Variants in LIPI observed in about 807,000 individuals in gnomAD.
LIPI encodes the protein lipase I, also known as lipase member I.
A neutral mutation model predicts 50.6 loss-of-function variants in LIPI; 59 were observed. The ratio of observed to expected loss-of-function variants is 1.16; its 90% CI spans 0.94 to 1.45. The LOEUF (loss-of-function observed/expected upper bound fraction) is 1.45. Among genes scored for constraint, LIPI ranks in the 40% most tolerant of loss-of-function variants. The pLI is 0.00. For synonymous variants in LIPI, 203 were observed against 178.2 expected (o/e 1.14, Z -1.11); for missense variants, 586 against 536.3 (o/e 1.09, Z -0.92).
intron 4 of LIPI, among the ~76,000 whole-genome samples, chr21:14,166,761 T>G (rs2018701337): frequency 6.6e-6 from 1 of 152,194 alleles, no homozygotes; most frequent in African/African-American, 2.4e-5. Context: ...AGCTCCAGTC[T>G]TCAGCTCCCA....
intron 1 of LIPI, among the ~76,000 whole-genome samples, chr21:14,196,300 A>G (rs2019850332): frequency 6.6e-6 from 1 of 152,180 alleles, no homozygotes; most frequent in Non-Finnish European, 1.5e-5. Context: ...TGCTGAGCAA[A>G]AGACTCCAGA....
chr21:14,185,109 G>A (rs568004012), intron 3 of LIPI, among the ~76,000 whole-genome samples: 1 of 152,158 alleles, frequency 6.6e-6, no homozygotes, highest in East Asian at 1.9e-4. Flanking sequence ...TATTCCTAAA[G>A]TCACTACCAC....
At chr21:14,204,316 GGA>G (rs1414627491) in intron 1 of LIPI, among the ~76,000 whole-genome samples, 1 of 150,040 alleles carries the variant, frequency 6.7e-6, no homozygotes, top group Non-Finnish European at 1.5e-5. Context: ...GGGTTTGGGA[GGA>G]GAGAGAGAAA....
intron 9 of LIPI, among the ~76,000 whole-genome samples, chr21:14,115,107 C>T (rs761222481): frequency 6.6e-5 from 10 of 152,034 alleles, no homozygotes; most frequent in East Asian, 3.9e-4. Context: ...CTCCGCACCC[C>T]GCTCCCCACC....
At chr21:14,150,888 G>A (rs2123088808) in intron 8 of LIPI, among the ~76,000 whole-genome samples, 1 of 152,176 alleles carries the variant, frequency 6.6e-6, no homozygotes, top group East Asian at 1.9e-4. Flanking sequence ...AAAAGGGAAA[G>A]GAAAACGGAT....
chr21:14,192,170 T>G (rs1248584936), intron 1 of LIPI, among the ~76,000 whole-genome samples: 1 of 152,150 alleles, frequency 6.6e-6, no homozygotes, highest in Admixed American at 6.5e-5. Context: ...AAAACAAAAG[T>G]CATCAAATGA....
At chr21:14,170,089 G>A (rs924109485) in intron 4 of LIPI, among the ~76,000 whole-genome samples, 12 of 151,962 alleles carry the variant, frequency 7.9e-5, no homozygotes, top group African/African-American at 2.2e-4. Flanking sequence ...CAAACACCTC[G>A]ACGCAAATAA....
At position 14,174,741 on chromosome 21, in the gene LIPI, G is replaced by A. The variant is rs141737549; in HGVS notation, c.643+7017C>T. Among the ~76,000 whole-genome samples, 330 of 152,158 alleles carry A rather than the reference G, an allele frequency of 2.2e-3. 1 individual carries two copies. Among genetic ancestry groups the A allele is most frequent in the African/African-American group, 7.3e-3 (304 of 41,518 alleles). On this transcript the variant is annotated intron_variant, in intron 4 of 9. Coordinates refer to ENST00000681601, the MANE Select transcript of LIPI (RefSeq NM_001302998.2). ...GCTAATTTTTGGTATTTTTAGCAGA[G>A]ATGGGCTTTCACCATGCCAGCCAGG...
intron 7 of LIPI, among the ~76,000 whole-genome samples, chr21:14,156,701 C>T (rs1320186980): frequency 2.0e-5 from 3 of 151,778 alleles, no homozygotes; most frequent in Non-Finnish European, 4.4e-5. Flanking sequence ...GGAAAAGTGG[C>T]TTCTAAATTA....
chr21:14,190,293 A>C (rs2019627468), intron 1 of LIPI, among the ~76,000 whole-genome samples: 1 of 152,118 alleles, frequency 6.6e-6, no homozygotes, highest in Non-Finnish European at 1.5e-5. Flanking sequence ...TCTTTTTCAC[A>C]GATTTTTGTG....
At chr21:14,204,162 T>C (rs2020158554) in intron 1 of LIPI, among the ~76,000 whole-genome samples, 1 of 152,006 alleles carries the variant, frequency 6.6e-6, no homozygotes, top group Non-Finnish European at 1.5e-5. Flanking sequence ...CTGGTATAAA[T>C]AAATGTAGTG....
intron 1 of LIPI, among the ~76,000 whole-genome samples, chr21:14,199,825 T>C (rs2019990464): frequency 6.6e-6 from 1 of 151,898 alleles, no homozygotes; most frequent in Admixed American, 6.6e-5. Flanking sequence ...GCCAATATCA[T>C]TGATGAATAT....
chr21:14,176,689 T>C (rs1376041312), intron 4 of LIPI, among the ~76,000 whole-genome samples: 1 of 151,216 alleles, frequency 6.6e-6, no homozygotes, highest in Non-Finnish European at 1.5e-5. Context: ...TGTTTTTTTT[T>C]CAGATACAAA....
intron 1 of LIPI, chr21:14,206,996 C>T: frequency 1.9e-6 from 2 of 1,030,942 alleles, no homozygotes; most frequent in Non-Finnish European, 1.5e-6. Flanking sequence ...CCCTTTTGGG[C>T]CAGCAGAATT....
chr21:14,108,937 T>C lies in LIPI; in HGVS notation c.*56A>G, dbSNP rs756322254. The C allele has an allele frequency of 1.9e-6, 3 of 1,603,890 alleles. No homozygotes were observed. The Admixed American group carries it at 5.0e-5, about 27-fold the overall frequency. On this transcript the variant is annotated 3_prime_UTR_variant, in exon 10 of 10. Coordinates refer to ENST00000681601, the MANE Select transcript of LIPI (RefSeq NM_001302998.2). ...GCATTATAAAAGACTGATTGCATTG[T>C]TTCATTTACAAGTCCATTAATTCAC...
intron 4 of LIPI, among the ~76,000 whole-genome samples, chr21:14,172,365 G>A (rs930501376): frequency 6.6e-6 from 1 of 152,174 alleles, no homozygotes; most frequent in African/African-American, 2.4e-5. Flanking sequence ...TCCCATTACT[G>A]GGTATATACC....
At chr21:14,138,323 T>C (rs1600851555) in intron 9 of LIPI, among the ~76,000 whole-genome samples, 1 of 152,184 alleles carries the variant, frequency 6.6e-6, no homozygotes, top group Non-Finnish European at 1.5e-5. Context: ...ATATTGGCTG[T>C]CTAAGTTTAT....
At chr21:14,122,262 G>A (rs2016891828) in intron 9 of LIPI, among the ~76,000 whole-genome samples, 2 of 152,106 alleles carry the variant, frequency 1.3e-5, no homozygotes, top group African/African-American at 4.8e-5. Flanking sequence ...GGAATCCCCT[G>A]GGGACATGTG....
chr21:14,171,271 G>A (rs969008930), intron 4 of LIPI, among the ~76,000 whole-genome samples: 8 of 146,602 alleles, frequency 5.5e-5, no homozygotes, highest in African/African-American at 7.5e-5. Flanking sequence ...AATCAATATC[G>A]TGAAAATGGC....
Sources: gnomAD v4.1 joint callset for allele counts (sites outside exome capture counted in the v4.1 genomes callset) on GRCh38, gnomAD v4.1.1 for gene constraint, MANE v1.5 for transcripts, NCBI Gene and HGNC (gene_info 2026-07-23, HGNC 2026-07-21) for gene names.